The following BANK1 variants were observed in gnomAD, a reference collection of about 807,000 sequenced individuals.
BANK1 encodes the protein B cell scaffold protein with ankyrin repeats 1.
A neutral mutation model predicts 94.5 loss-of-function variants in BANK1; 95 were observed. That is an observed-to-expected ratio of 1.00 (90% CI 0.85 to 1.19). The LOEUF is 1.19. Among genes scored for constraint, BANK1 ranks in the 50% most tolerant of loss-of-function variants. The pLI, the probability that BANK1 is intolerant of heterozygous loss-of-function variation, is 0.00. For missense variants in BANK1, 987 were observed against 932.2 expected, an observed-to-expected ratio of 1.06 and a Z score of -0.77; for synonymous variants, 334 against 308.4, an observed-to-expected ratio of 1.08 and a Z score of -0.87.
intron 1 of BANK1, among the ~76,000 whole-genome samples, chr4:101,825,465 T>C (rs1480215518): frequency 6.6e-6 from 1 of 152,088 alleles, no homozygotes; most frequent in Non-Finnish European, 1.5e-5. Flanking sequence ...TAAAAGAGTT[T>C]TTATTAACTT....
At chr4:101,946,930 C>A (rs1444853134) in intron 7 of BANK1, among the ~76,000 whole-genome samples, 1 of 151,734 alleles carries the variant, frequency 6.6e-6, no homozygotes, top group African/African-American at 2.4e-5. Context: ...AATGCATTTT[C>A]TTTATTTTCT....
intron 1 of BANK1, among the ~76,000 whole-genome samples, chr4:101,819,219 AT>A (rs1261174066): frequency 1.3e-5 from 2 of 152,134 alleles, no homozygotes; most frequent in East Asian, 3.9e-4. Context: ...GCTAGAAGAT[AT>A]TCCTGAGTAT....
At chr4:102,016,836 A>G (rs533527109) in intron 7 of BANK1, among the ~76,000 whole-genome samples, 41 of 152,216 alleles carry the variant, frequency 2.7e-4, no homozygotes, top group African/African-American at 9.6e-4. Flanking sequence ...AGCTAAAGAC[A>G]CGCCCACGAA....
chr4:101,891,729 A>G (rs1454454516), intron 5 of BANK1, among the ~76,000 whole-genome samples: 2 of 151,986 alleles, frequency 1.3e-5, no homozygotes, highest in Admixed American at 1.3e-4. Context: ...TCTGTCTTCA[A>G]GTTCATTGAT....
At chr4:102,040,296 T>G (rs1727661426) in intron 10 of BANK1, among the ~76,000 whole-genome samples, 1 of 152,070 alleles carries the variant, frequency 6.6e-6, no homozygotes, top group Admixed American at 6.6e-5. Flanking sequence ...TAGAGAAAAT[T>G]TTACAGAAGT....
intron 7 of BANK1, among the ~76,000 whole-genome samples, chr4:101,949,978 A>C (rs922731052): frequency 6.6e-6 from 1 of 151,806 alleles, no homozygotes; most frequent in Non-Finnish European, 1.5e-5. Flanking sequence ...AACTATGGGC[A>C]AGGATGCCTA....
At chr4:102,045,758 G>A (rs2148957277) in intron 11 of BANK1, among the ~76,000 whole-genome samples, 1 of 151,146 alleles carries the variant, frequency 6.6e-6, no homozygotes, top group Middle Eastern at 3.4e-3. Context: ...CCTCTTCAAG[G>A]AGAACTACAA....
chr4:101,835,777 C>A (rs1726800591), intron 2 of BANK1, among the ~76,000 whole-genome samples: 1 of 152,148 alleles, frequency 6.6e-6, no homozygotes. Context: ...CATGGTCTTT[C>A]AGCTCTTTGA....
At chr4:102,022,349 G>T (rs1266107501) in intron 8 of BANK1, among the ~76,000 whole-genome samples, 1 of 151,930 alleles carries the variant, frequency 6.6e-6, no homozygotes, top group Non-Finnish European at 1.5e-5. Flanking sequence ...AGTCATCCTT[G>T]GCATTTTTAC....
At chr4:102,053,942 ATATATATG>A (rs1198984105) in intron 11 of BANK1, among the ~76,000 whole-genome samples, 9 of 151,916 alleles carry the variant, frequency 5.9e-5, no homozygotes, top group Admixed American at 1.3e-4. Flanking sequence ...AAATTCCTTC[ATATATATG>A]TATATATGTA....
At chr4:101,936,509 A>G (rs1723562938) in intron 7 of BANK1, among the ~76,000 whole-genome samples, 1 of 150,506 alleles carries the variant, frequency 6.6e-6, no homozygotes, top group African/African-American at 2.4e-5. Context: ...TATAAGATGT[A>G]TACATGTATA....
intron 2 of BANK1, among the ~76,000 whole-genome samples, chr4:101,854,803 A>G (rs1281559791): frequency 1.3e-5 from 2 of 152,328 alleles, no homozygotes; most frequent in East Asian, 3.9e-4. Flanking sequence ...TAACTAGTAG[A>G]TGAACATAGT....
chr4:101,858,598 T>C (rs960763996), intron 3 of BANK1, among the ~76,000 whole-genome samples: 1 of 152,192 alleles, frequency 6.6e-6, no homozygotes, highest in Non-Finnish European at 1.5e-5. Context: ...CTTCCTTTAA[T>C]ATAATCAACC....
intron 7 of BANK1, among the ~76,000 whole-genome samples, chr4:101,988,155 A>T (rs1021020195): frequency 6.6e-6 from 1 of 152,154 alleles, no homozygotes; most frequent in East Asian, 1.9e-4. Context: ...ATCATTAGAG[A>T]TCCTTCATAT....
chr4:102,026,256 C>T (rs1447888987), intron 9 of BANK1, among the ~76,000 whole-genome samples: 1 of 152,108 alleles, frequency 6.6e-6, no homozygotes, highest in African/African-American at 2.4e-5. Flanking sequence ...CAGCTCCAGG[C>T]TCACTCTTAC....
Position 102,030,119 on chromosome 4 carries a change from A to C in BANK1, c.1754A>C (p.Asp585Ala). ...CCATATACTTTTGCTGAGATTGATG[A>C]CAGTGAATATGACATGATATTGGCC... ...EDPYTFAEIDDSEYDMILANL... is the reference protein window; with the variant it reads ...EDPYTFAEIDASEYDMILANL... The change falls in exon 10 of 17, where the codon GAC (aspartate) becomes GCC (alanine). Residue 585 changes from aspartate (D) to alanine (A), a missense_variant. Transcript: ENST00000322953. 6.2e-7 allele frequency: 1 copy of C among 1,614,056 alleles called. No individual in the cohort carries two copies. Among genetic ancestry groups the C allele is most frequent in the Non-Finnish European group, 8.5e-7 (1 of 1,179,970 alleles).
At position 101,829,216 on chromosome 4, in the gene BANK1, A is replaced by G. The variant is rs112705200; in HGVS notation, c.71-592A>G. 8.1e-3 allele frequency among the ~76,000 whole-genome samples: 1,227 copies of G among 152,288 alleles called. 9 individuals carry two copies. Among genetic ancestry groups the G allele is most frequent in the Non-Finnish European group, 0.014 (960 of 68,028 alleles). On this transcript the variant is annotated intron_variant, in intron 1 of 16. Coordinates refer to ENST00000322953, the MANE Select transcript of BANK1 (RefSeq NM_017935.5). ...GAGCCTGATTGTTTCACATTGATCC[A>G]TAGAGCTGGTTCCTTTATCTTTCTT... is the stretch of plus-strand genomic sequence containing the variant.
intron 1 of BANK1, among the ~76,000 whole-genome samples, chr4:101,804,094 T>C (rs1041678574): frequency 4.0e-5 from 6 of 151,580 alleles, no homozygotes; most frequent in Non-Finnish European, 8.8e-5. Context: ...TACTAGTCTG[T>C]TTTATTATTT....
chr4:102,072,225 A>G, intron 14 of BANK1, 120 bp from the exon 15 acceptor site: 1 of 821,372 alleles, frequency 1.2e-6, no homozygotes, highest in East Asian at 2.6e-5. Flanking sequence ...TATCTTCCTA[A>G]TAATTTTTCT....
Sources: gnomAD v4.1 joint callset for allele counts (sites outside exome capture counted in the v4.1 genomes callset) on GRCh38, gnomAD v4.1.1 for gene constraint, MANE v1.5 for transcripts, NCBI Gene and HGNC (gene_info 2026-07-23, HGNC 2026-07-21) for gene names.